Variants in TFEC observed in about 807,000 individuals in gnomAD.
The protein encoded by TFEC is transcription factor EC.
A neutral mutation model predicts 41.6 loss-of-function variants in TFEC; 31 were observed. The ratio of observed to expected loss-of-function variants is 0.74; its 90% CI spans 0.56 to 1.01. TFEC has a LOEUF of 1.01. TFEC is among the 50% of genes least tolerant of loss of function. The probability of loss-of-function intolerance (pLI) is 0.00; values close to 1 mark genes in which losing one functional copy is unlikely to be tolerated. For missense variants in TFEC, 402 were observed against 404.1 expected (o/e 0.99, Z 0.04); for synonymous variants, 143 against 140.6 (o/e 1.02, Z -0.12).
intron 3 of TFEC, among the ~76,000 whole-genome samples, chr7:116,110,149 G>T (rs1005658994): frequency 6.6e-6 from 1 of 152,144 alleles, no homozygotes; most frequent in Middle Eastern, 3.4e-3. Flanking sequence ...TGGGTGCAGC[G>T]CACCAACATG....
At chr7:116,119,832 C>G (rs1798071795) in intron 1 of TFEC, among the ~76,000 whole-genome samples, 1 of 151,648 alleles carries the variant, frequency 6.6e-6, no homozygotes, top group Non-Finnish European at 1.5e-5. Context: ...TGAAATACTT[C>G]TCCCAAAAGG....
Position 115,968,718 on chromosome 7 carries a change from G to T in TFEC, c.267+5452C>A, listed in dbSNP as rs564328098. Among the ~76,000 whole-genome samples, 5 of 151,928 alleles carry T rather than the reference G, an allele frequency of 3.3e-5. No individual in the cohort carries two copies. The East Asian group carries it at 9.7e-4, about 30-fold the overall frequency. The stretch of plus-strand genomic sequence containing the variant: ...CCCCTTCAAATCATAGGATTCTATA[G>T]TTCTATGCAATGGCTACTTCCCTGA... On this transcript the variant is annotated intron_variant, in intron 3 of 7. Transcript: ENST00000265440.
At chr7:116,030,198 T>C (rs1174421040) in intron 1 of TFEC, among the ~76,000 whole-genome samples, 2 of 152,308 alleles carry the variant, frequency 1.3e-5, no homozygotes, top group South Asian at 2.1e-4. Flanking sequence ...TGGTACTATT[T>C]TGCTATAAAT....
intron 1 of TFEC, among the ~76,000 whole-genome samples, chr7:116,019,458 T>C (rs1795313904): frequency 6.6e-6 from 1 of 152,194 alleles, no homozygotes. Flanking sequence ...ACACACTATC[T>C]TACAATGACA....
At chr7:116,008,637 A>G (rs1304238821) in intron 1 of TFEC, among the ~76,000 whole-genome samples, 3 of 152,190 alleles carry the variant, frequency 2.0e-5, no homozygotes, top group Non-Finnish European at 4.4e-5. Context: ...ACATTTGTTA[A>G]TGTTCTGCAG....
At chr7:116,017,589 C>T (rs1795241832) in intron 1 of TFEC, among the ~76,000 whole-genome samples, 1 of 152,084 alleles carries the variant, frequency 6.6e-6, no homozygotes, top group Non-Finnish European at 1.5e-5. Flanking sequence ...GGTGATCACC[C>T]AACTATCTAT....
chr7:116,144,961 AATAG>A (rs1451809444), intron 1 of TFEC, among the ~76,000 whole-genome samples: 1 of 152,136 alleles, frequency 6.6e-6, no homozygotes, highest in South Asian at 2.1e-4. Flanking sequence ...TCTCCAGATA[AATAG>A]ATAGATTCTG....
chr7:115,943,839 G>A (rs1022885601), intron 6 of TFEC, among the ~76,000 whole-genome samples: 2 of 151,326 alleles, frequency 1.3e-5, no homozygotes, highest in East Asian at 3.9e-4. Flanking sequence ...TGCATTTACA[G>A]TCAGAGCAGA....
chr7:115,949,104 T>G (rs965077997), intron 6 of TFEC, among the ~76,000 whole-genome samples: 5 of 152,232 alleles, frequency 3.3e-5, no homozygotes, highest in Admixed American at 3.3e-4. Flanking sequence ...TCATAATTGC[T>G]TCAAAGAGAA....
intron 1 of TFEC, among the ~76,000 whole-genome samples, chr7:116,007,643 C>T (rs553410191): frequency 1.3e-5 from 2 of 152,228 alleles, no homozygotes; most frequent in East Asian, 1.9e-4. Context: ...TGTTTCAGAT[C>T]CTACTAGGTG....
At chr7:116,019,047 G>T (rs549626897) in intron 1 of TFEC, among the ~76,000 whole-genome samples, 1 of 152,146 alleles carries the variant, frequency 6.6e-6, no homozygotes, top group Non-Finnish European at 1.5e-5. Context: ...GGAGCAATGG[G>T]CAGGCCAAAG....
chr7:115,962,576 A>C (rs1792614273), intron 3 of TFEC, among the ~76,000 whole-genome samples: 1 of 151,780 alleles, frequency 6.6e-6, no homozygotes, highest in Admixed American at 6.6e-5. Context: ...AGGTGCCAAG[A>C]CCACTCAGTG....
intron 3 of TFEC, among the ~76,000 whole-genome samples, chr7:116,042,833 C>T (rs1446290634): frequency 6.6e-6 from 1 of 152,042 alleles, no homozygotes; most frequent in African/African-American, 2.4e-5. Flanking sequence ...GAATAAACGT[C>T]AAAATTATAA....
At chr7:115,982,900 AT>A (rs34924121) in intron 2 of TFEC, among the ~76,000 whole-genome samples, 20,827 of 152,150 alleles carry the variant, frequency 0.14, 1,928 homozygotes, top group Non-Finnish European at 0.21. Flanking sequence ...TTCCATTCTC[AT>A]TTTTTAGAGT....
In TFEC at chr7:116,062,225, C is replaced by CTTTTTTTTTTTTT. The variant is rs569480964; in HGVS notation, c.198+48470_198+48482dup. On this transcript the variant is annotated intron_variant, in intron 3 of 8. Transcript: ENST00000484212. ...ACAGGCATGTGCCAACATGCCTGGC[C>CTTTTTTTTTTTTT]TTTTTTTTTTTTTTTTTTTTTTTTT... Among the ~76,000 whole-genome samples, 48 of 51,912 alleles carry CTTTTTTTTTTTTT rather than the reference C, an allele frequency of 9.2e-4. 4 individuals carry two copies. Among genetic ancestry groups the CTTTTTTTTTTTTT allele is most frequent in the African/African-American group, 2.0e-3 (18 of 8,896 alleles). 34.1% of individuals were successfully genotyped at this position (51,912 alleles called of 152,430 possible).
intron 3 of TFEC, among the ~76,000 whole-genome samples, chr7:116,107,734 G>C (rs1409187718): frequency 6.6e-6 from 1 of 152,152 alleles, no homozygotes; most frequent in East Asian, 1.9e-4. Context: ...TGAGAAAGTA[G>C]TGAAACCCAA....
chr7:115,998,891 C>T lies in TFEC; in HGVS notation c.-72-14378G>A, dbSNP rs1310482221. Among the ~76,000 whole-genome samples the T allele has an allele frequency of 3.9e-5, 6 of 151,906 alleles. No homozygotes were observed. The East Asian group carries it at 9.6e-4, about 24-fold the overall frequency. On this transcript the variant is annotated intron_variant, in intron 1 of 7. Coordinates refer to ENST00000265440, the MANE Select transcript of TFEC (RefSeq NM_012252.4). Reference sequence around the variant, plus strand: ...ACCCCAATGCAATAACAGCTAGAAACTTCAATACCCCACTTTCAGCATTGA... The same window carrying T: ...ACCCCAATGCAATAACAGCTAGAAATTTCAATACCCCACTTTCAGCATTGA...
intron 3 of TFEC, among the ~76,000 whole-genome samples, chr7:116,044,310 A>T (rs912390011): frequency 2.0e-5 from 3 of 152,180 alleles, no homozygotes; most frequent in African/African-American, 7.2e-5. Flanking sequence ...TTTCTAATTG[A>T]TATTTTAAGG....
Position 115,936,321 on chromosome 7 carries a change from T to A in TFEC, c.*4230A>T, listed in dbSNP as rs1239982759. On this transcript the variant is annotated 3_prime_UTR_variant, in exon 8 of 8. Transcript: ENST00000265440. Reference sequence around the variant, plus strand: ...TAGGGCACTGGAGGGATAAATGATGTAATTCCATGTAGCACATAGAGACTA... The same window carrying A: ...TAGGGCACTGGAGGGATAAATGATGAAATTCCATGTAGCACATAGAGACTA... 1.3e-5 allele frequency: 2 copies of A among 151,672 alleles called. No individual in the cohort carries two copies. The highest frequency in any genetic ancestry group is 2.4e-5 in the African/African-American group (1 of 41,426). The allele number at this position is 151,672 out of a possible 1,614,324, so 9.4% of individuals were successfully genotyped here.
Sources: allele counts gnomAD v4.1 joint callset (sites outside exome capture counted in the v4.1 genomes callset), GRCh38; gene constraint gnomAD v4.1.1; transcripts MANE v1.5; gene names NCBI Gene and HGNC (gene_info 2026-07-23, HGNC 2026-07-21).